Variants in STPG2 observed in about 807,000 individuals in gnomAD.
The protein encoded by STPG2 is sperm tail PG-rich repeat containing 2.
STPG2 carries 56 observed loss-of-function variants against 54.2 expected under a neutral mutation model. The observed-to-expected ratio is 1.03, with a 90% confidence interval of 0.83 to 1.29. The LOEUF (loss-of-function observed/expected upper bound fraction) is 1.29, where lower values mean the gene tolerates loss of function less well. STPG2 is among the 50% of genes most tolerant of loss of function. The pLI, the probability that STPG2 is intolerant of heterozygous loss-of-function variation, is 0.00. For missense variants in STPG2, 596 were observed against 544.9 expected, an observed-to-expected ratio of 1.09 and a Z score of -0.93; for synonymous variants, 200 against 181.8, an observed-to-expected ratio of 1.10 and a Z score of -0.81.
Position 98,055,113 on chromosome 4 carries a change from A to G in STPG2, c.612+50840T>C, listed in dbSNP as rs866719284. Among the ~76,000 whole-genome samples the G allele has an allele frequency of 2.6e-5, 4 of 152,280 alleles. No homozygotes were observed. In the South Asian group the frequency reaches 6.2e-4, roughly 24 times the overall value. On this transcript the variant is annotated intron_variant, in intron 5 of 10. Coordinates refer to ENST00000295268, the MANE Select transcript of STPG2 (RefSeq NM_174952.3). ...GAGAGGACTAGATCATGAAGACCTGAAACAGCCAATGGGAGAATCCTAGAT... is the reference window on the plus strand; with the variant it reads ...GAGAGGACTAGATCATGAAGACCTGGAACAGCCAATGGGAGAATCCTAGAT...
chr4:98,078,519 C>T (rs189380622), intron 5 of STPG2, among the ~76,000 whole-genome samples: 1 of 151,598 alleles, frequency 6.6e-6, no homozygotes, highest in Admixed American at 6.6e-5. Context: ...ATACAAGTGG[C>T]TGGCACTTGT....
chr4:98,135,153 C>G (rs1381003452), intron 1 of STPG2, among the ~76,000 whole-genome samples: 2 of 151,722 alleles, frequency 1.3e-5, no homozygotes, highest in Admixed American at 1.3e-4. Context: ...AGAGCAGCAG[C>G]TATATTCAAA....
chr4:97,659,583 A>G (rs1242506139), intron 10 of STPG2, among the ~76,000 whole-genome samples: 2 of 152,188 alleles, frequency 1.3e-5, no homozygotes, highest in African/African-American at 4.8e-5. Context: ...TTACTTTTGA[A>G]GGAGTTATTT....
intron 5 of STPG2, among the ~76,000 whole-genome samples, chr4:97,998,500 A>G (rs943010166): frequency 2.0e-5 from 3 of 152,170 alleles, no homozygotes; most frequent in Non-Finnish European, 4.4e-5. Context: ...AAACTACCTA[A>G]GCCCAGTGAA....
chr4:97,921,726 G>T (rs1385964870), intron 8 of STPG2, among the ~76,000 whole-genome samples: 2 of 152,134 alleles, frequency 1.3e-5, no homozygotes, highest in Admixed American at 6.5e-5. Context: ...TGAAAAATAT[G>T]ACAGAAAACT....
At position 98,025,046 on chromosome 4, in the gene STPG2, A is replaced by G. The variant is rs113269959; in HGVS notation, c.613-43728T>C. On this transcript the variant is annotated intron_variant, in intron 5 of 10. Transcript: ENST00000295268. ...CCCCCATCTGTATTCCAAAAGGTAT[A>G]AGAATAAAAATGGGGAGGATAGCAA... Among the ~76,000 whole-genome samples the G allele has an allele frequency of 3.6e-4, 55 of 152,328 alleles. No individual in the cohort carries two copies. In the East Asian group the frequency reaches 5.0e-3, roughly 14 times the overall value.
intron 8 of STPG2, among the ~76,000 whole-genome samples, chr4:97,920,106 G>A (rs1162378241): frequency 6.6e-6 from 1 of 152,140 alleles, no homozygotes; most frequent in East Asian, 1.9e-4. Context: ...ACTCGATTAT[G>A]GTGCCAATTG....
At chr4:97,713,558 G>A (rs1214200237) in intron 9 of STPG2, among the ~76,000 whole-genome samples, 1 of 152,166 alleles carries the variant, frequency 6.6e-6, no homozygotes, top group Non-Finnish European at 1.5e-5. Flanking sequence ...GTAAATTCTG[G>A]CAGATTCTTG....
chr4:97,599,161 C>G (rs1468672472), intron 10 of STPG2, among the ~76,000 whole-genome samples: 2 of 152,146 alleles, frequency 1.3e-5, no homozygotes, highest in Admixed American at 6.5e-5. Flanking sequence ...AAACACTCAA[C>G]AGCACTGATC....
At chr4:97,500,348 G>A (rs1332535853) in intron 4 of STPG2, among the ~76,000 whole-genome samples, 1 of 151,942 alleles carries the variant, frequency 6.6e-6, no homozygotes, top group Non-Finnish European at 1.5e-5. Flanking sequence ...ATTGAGATGG[G>A]GAAGACTATT....
chr4:97,850,857 A>G (rs1402462503), intron 8 of STPG2, among the ~76,000 whole-genome samples: 2 of 152,184 alleles, frequency 1.3e-5, no homozygotes, highest in Non-Finnish European at 2.9e-5. Context: ...TTAGCAAGAA[A>G]GAAAGAATGA....
intron 10 of STPG2, among the ~76,000 whole-genome samples, chr4:97,631,129 A>C (rs1007943962): frequency 1.3e-5 from 2 of 152,020 alleles, no homozygotes; most frequent in African/African-American, 4.8e-5. Context: ...TTTCTATTAC[A>C]TTGGGAAAAA....
intron 9 of STPG2, among the ~76,000 whole-genome samples, chr4:97,724,620 T>A (rs1031324658): frequency 7.9e-5 from 12 of 152,176 alleles, no homozygotes; most frequent in East Asian, 1.9e-4. Context: ...GGATATTTTT[T>A]AAATTTGCTA....
chr4:98,139,467 T>G (rs1405348867), intron 1 of STPG2, among the ~76,000 whole-genome samples: 1 of 152,140 alleles, frequency 6.6e-6, no homozygotes, highest in East Asian at 1.9e-4. Context: ...CACATCATAC[T>G]CCATAAAATG....
intron 8 of STPG2, among the ~76,000 whole-genome samples, chr4:97,856,214 G>A (rs998335745): frequency 2.0e-5 from 3 of 152,156 alleles, no homozygotes; most frequent in African/African-American, 7.2e-5. Context: ...AATGTCAATG[G>A]TGGTTTAATG....
intron 9 of STPG2, among the ~76,000 whole-genome samples, chr4:97,809,121 T>A (rs747638680): frequency 2.0e-5 from 3 of 152,100 alleles, no homozygotes; most frequent in Non-Finnish European, 2.9e-5. Flanking sequence ...TTAAAACTTG[T>A]TGAGTGACAT....
intron 8 of STPG2, among the ~76,000 whole-genome samples, chr4:97,853,557 C>T (rs1275301124): frequency 2.0e-5 from 3 of 152,054 alleles, no homozygotes; most frequent in Admixed American, 1.3e-4. Flanking sequence ...AAGAATAAAA[C>T]ATTCAATAAA....
At chr4:97,733,664 G>A (rs1724879891) in intron 9 of STPG2, among the ~76,000 whole-genome samples, 1 of 152,142 alleles carries the variant, frequency 6.6e-6, no homozygotes, top group South Asian at 2.1e-4. Context: ...CATGGTGAGA[G>A]TGTGTTGTCC....
At chr4:97,685,992 T>G (rs936318319) in intron 10 of STPG2, among the ~76,000 whole-genome samples, 1 of 152,234 alleles carries the variant, frequency 6.6e-6, no homozygotes, top group African/African-American at 2.4e-5. Flanking sequence ...TAATGTCATA[T>G]GATTTGTATA....
Sources: gnomAD v4.1 joint callset for allele counts (sites outside exome capture counted in the v4.1 genomes callset) on GRCh38, gnomAD v4.1.1 for gene constraint, MANE v1.5 for transcripts, NCBI Gene and HGNC (gene_info 2026-07-23, HGNC 2026-07-21) for gene names.